SPECC1L: variants seen among roughly 807,000 people sequenced by gnomAD.
SPECC1L encodes sperm antigen with calponin homology and coiled-coil domains 1 like, also known as cytospin-A.
Under a neutral mutation model 116.8 loss-of-function variants are expected in SPECC1L, and 40 were observed. That is an observed-to-expected ratio of 0.34 (90% CI 0.27 to 0.45). The LOEUF (loss-of-function observed/expected upper bound fraction) is 0.45. SPECC1L is among the 20% of genes least tolerant of loss of function. The pLI is 1.00. For missense variants in SPECC1L, 1,110 were observed against 1,373.6 expected (o/e 0.81, Z 3.03); for synonymous variants, 504 against 500.6 (o/e 1.01, Z -0.09).
intron 14 of SPECC1L, among the ~76,000 whole-genome samples, chr22:24,370,389 C>G (rs942749248): frequency 6.6e-6 from 1 of 152,112 alleles, no homozygotes; most frequent in Non-Finnish European, 1.5e-5. Context: ...AAAAGAATCT[C>G]CATGCCAGCT....
intron 14 of SPECC1L, among the ~76,000 whole-genome samples, chr22:24,383,994 A>G (rs2042114410): frequency 1.3e-5 from 2 of 151,852 alleles, no homozygotes; most frequent in Admixed American, 6.6e-5. Flanking sequence ...AGCTTGAGCT[A>G]GGAACTCCCA....
chr22:24,382,444 C>T (rs769675819), intron 14 of SPECC1L, among the ~76,000 whole-genome samples: 6 of 152,132 alleles, frequency 3.9e-5, no homozygotes, highest in Non-Finnish European at 7.3e-5. Flanking sequence ...GTGGCTCCCG[C>T]CTGTAATCCC....
chr22:24,396,820 A>T (rs969039388), intron 14 of SPECC1L, among the ~76,000 whole-genome samples: 3 of 151,970 alleles, frequency 2.0e-5, no homozygotes, highest in Non-Finnish European at 4.4e-5. Flanking sequence ...GCTGTACCCT[A>T]CCCTACTGTG....
chr22:24,366,232 G>A (rs1012795137), intron 13 of SPECC1L, among the ~76,000 whole-genome samples: 5 of 151,628 alleles, frequency 3.3e-5, no homozygotes, highest in South Asian at 2.1e-4. Context: ...CCTCGCTGTC[G>A]CCCAGGTTGG....
chr22:24,310,258 T>C (rs1362732060), intron 3 of SPECC1L, among the ~76,000 whole-genome samples: 1 of 152,230 alleles, frequency 6.6e-6, no homozygotes, highest in African/African-American at 2.4e-5. Context: ...TTCCTGTGTA[T>C]ATATAGGCAT....
chr22:24,355,281 CAAA>C (rs751981921), intron 11 of SPECC1L, among the ~76,000 whole-genome samples: 5 of 56,024 alleles, frequency 8.9e-5, no homozygotes, highest in Admixed American at 2.0e-4. Context: ...GACTCCATCT[CAAA>C]AAAAAAAAAA....
At position 24,417,171 on chromosome 22, in the gene SPECC1L, C is replaced by T. The variant is rs575377024; in HGVS notation, c.*2548C>T. 1 of 152,724 alleles carries T rather than the reference C, an allele frequency of 6.5e-6. No individual in the cohort carries two copies. The highest frequency in any genetic ancestry group is 1.5e-5 in the Non-Finnish European group (1 of 68,042). The allele number at this position is 152,724 out of a possible 1,614,324, so 9.5% of individuals were successfully genotyped here. ...CAGTCGCGTTTCTATTTCTCTCGAT[C>T]CCAGGCTTCTGCGGACCGACGATAC... On this transcript the variant is annotated 3_prime_UTR_variant, in exon 17 of 17. Transcript: ENST00000314328.
intron 14 of SPECC1L, among the ~76,000 whole-genome samples, chr22:24,399,033 A>G (rs1010483824): frequency 2.0e-5 from 3 of 152,192 alleles, no homozygotes; most frequent in African/African-American, 7.2e-5. Flanking sequence ...ACTGCTCACA[A>G]CATGCTCAGA....
At chr22:24,406,138 C>T (rs1462377428) in intron 14 of SPECC1L, among the ~76,000 whole-genome samples, 3 of 152,172 alleles carry the variant, frequency 2.0e-5, no homozygotes, top group African/African-American at 7.2e-5. Context: ...GCCACCAATC[C>T]GCAGGCAGAT....
intron 9 of SPECC1L, 47 bp from the exon 10 acceptor site, chr22:24,338,339 C>G (rs767601603): frequency 1.3e-6 from 2 of 1,583,816 alleles, no homozygotes; most frequent in African/African-American, 2.7e-5. Context: ...AGTTAAGCTT[C>G]CACTGTACAG....
intron 14 of SPECC1L, among the ~76,000 whole-genome samples, chr22:24,399,613 C>T (rs1474587869): frequency 6.6e-6 from 1 of 152,076 alleles, no homozygotes; most frequent in Non-Finnish European, 1.5e-5. Flanking sequence ...AAATCCAAAA[C>T]ATACTATAGA....
chr22:24,416,486 T>G lies in SPECC1L; in HGVS notation c.*1863T>G, dbSNP rs2042803820. The G allele has an allele frequency of 6.6e-6, 1 of 152,282 alleles. No individual in the cohort carries two copies. Among genetic ancestry groups the G allele is most frequent in the African/African-American group, 2.4e-5 (1 of 41,464 alleles). 9.4% of individuals were successfully genotyped at this position (152,282 alleles called of 1,614,324 possible). On this transcript the variant is annotated 3_prime_UTR_variant, in exon 17 of 17. Transcript: ENST00000314328. ...TTGGCATGAGCCACTGATGTTCATG[T>G]GAGAATTACTGTTTTTAAGTGTCTC...
At chr22:24,397,410 A>G (rs766180189) in intron 14 of SPECC1L, among the ~76,000 whole-genome samples, 3 of 152,178 alleles carry the variant, frequency 2.0e-5, no homozygotes, top group Non-Finnish European at 2.9e-5. Context: ...GACTAAATGC[A>G]CTGCCTGTGA....
intron 5 of SPECC1L, among the ~76,000 whole-genome samples, chr22:24,323,837 T>TCCCTTTG (rs1556230070): frequency 3.9e-5 from 6 of 152,232 alleles, no homozygotes; most frequent in Non-Finnish European, 8.8e-5. Flanking sequence ...TTTTCCCTTT[T>TCCCTTTG]TCAGTTTGAT....
Position 24,362,129 on chromosome 22 carries a change from G to A in SPECC1L, c.2744-1132G>A, listed in dbSNP as rs561417025. 1.2e-4 allele frequency among the ~76,000 whole-genome samples: 19 copies of A among 152,274 alleles called. 2 individuals are homozygous for A. The highest frequency in any genetic ancestry group is 1.2e-3 in the Admixed American group (18 of 15,296). On this transcript the variant is annotated intron_variant, in intron 11 of 16. Coordinates refer to ENST00000314328, the MANE Select transcript of SPECC1L (RefSeq NM_015330.6). The stretch of plus-strand genomic sequence containing the variant: ...GCCCGTGACCAGAAAGAACAATTCT[G>A]GTTGTCCTTGTGACTGCCTCTCTGT...
chr22:24,400,652 C>G (rs942331595), intron 14 of SPECC1L, among the ~76,000 whole-genome samples: 6 of 152,220 alleles, frequency 3.9e-5, no homozygotes, highest in Non-Finnish European at 4.4e-5. Context: ...CAAACTCTTC[C>G]TCAGCAGCGG....
In SPECC1L at chr22:24,405,902, C is replaced by CT. The variant is rs1362962939; in HGVS notation, c.3088-5685dup. On this transcript the variant is annotated intron_variant, in intron 14 of 16. Transcript: ENST00000314328. Reference sequence around the variant, plus strand: ...TTACAGTTTCAGTAGGGGTCGAAGACTCGTCATCTTGTGTGGGCTGGGATT... The same window carrying CT: ...TTACAGTTTCAGTAGGGGTCGAAGACTTCGTCATCTTGTGTGGGCTGGGATT... 3.3e-5 allele frequency among the ~76,000 whole-genome samples: 5 copies of CT among 151,934 alleles called. No homozygotes were observed. The South Asian group carries it at 8.3e-4, about 25-fold the overall frequency.
chr22:24,283,765 C>G (rs1018975989), intron 2 of SPECC1L, among the ~76,000 whole-genome samples: 1 of 152,196 alleles, frequency 6.6e-6, no homozygotes, highest in Non-Finnish European at 1.5e-5. Flanking sequence ...TAGAGCTATT[C>G]AAGTTATTTA....
At chr22:24,315,060 T>G (rs1241787432) in intron 4 of SPECC1L, among the ~76,000 whole-genome samples, 2 of 152,242 alleles carry the variant, frequency 1.3e-5, no homozygotes, top group Non-Finnish European at 2.9e-5. Flanking sequence ...AAACATAAGA[T>G]CAAGTGTTTG....
Sources: allele counts gnomAD v4.1 joint callset (sites outside exome capture counted in the v4.1 genomes callset), GRCh38; gene constraint gnomAD v4.1.1; transcripts MANE v1.5; gene names NCBI Gene and HGNC (gene_info 2026-07-23, HGNC 2026-07-21).